Variants in DNAH1 observed in about 807,000 individuals in gnomAD.
The protein encoded by DNAH1 is dynein axonemal heavy chain 1, also known as axonemal beta dynein heavy chain 1.
Under a neutral mutation model 484.3 loss-of-function variants are expected in DNAH1, and 327 were observed. The observed-to-expected ratio is 0.68, with a 90% CI of 0.62 to 0.74. The LOEUF (loss-of-function observed/expected upper bound fraction) is 0.74. Among genes scored for constraint, DNAH1 ranks in the 30% least tolerant of loss-of-function variants. The pLI is 0.00. For synonymous variants in DNAH1, 2,192 were observed against 2,191.9 expected, an observed-to-expected ratio of 1.00 and a Z score of 0.00; for missense variants, 5,052 against 5,546.8, an observed-to-expected ratio of 0.91 and a Z score of 2.83.
At chr3:52,365,240 C>A (rs1703025854) in intron 34 of DNAH1, among the ~76,000 whole-genome samples, 1 of 152,200 alleles carries the variant, frequency 6.6e-6, no homozygotes, top group African/African-American at 2.4e-5. Flanking sequence ...AGGCGTTGTC[C>A]CCTTCCTAGG....
At chr3:52,396,229 A>T (rs377622547) in intron 70 of DNAH1, 139 bp from the exon 71 acceptor site, 10 of 970,474 alleles carry the variant, frequency 1.0e-5, no homozygotes, top group Non-Finnish European at 1.5e-5. Flanking sequence ...CACCGCGCCC[A>T]GCCAAAAGCC....
chr3:52,345,094 G>A (rs11713914), intron 9 of DNAH1, among the ~76,000 whole-genome samples: 12,523 of 152,280 alleles, frequency 0.082, 632 homozygotes, highest in Non-Finnish European at 0.12. Context: ...TACTCCGGAT[G>A]CAGGCTGGGG....
chr3:52,390,790 A>C lies in DNAH1; in HGVS notation c.9622-145A>C, dbSNP rs1318559500. 5 of 1,273,028 alleles carry C rather than the reference A, an allele frequency of 3.9e-6. No homozygotes were observed. The Admixed American group carries it at 8.7e-5, about 22-fold the overall frequency. The allele number at this position is 1,273,028 out of a possible 1,614,324, so 78.9% of individuals were successfully genotyped here. A position where few individuals can be genotyped will look rare whatever the true frequency, so the allele number is the denominator to read the frequency against. ...GTCCTGGGGGTGAGGCATTGCCTAC[A>C]TTGTCACCTGCCCCCAACCTCCAAG... On this transcript the variant is annotated intron_variant, in intron 60 of 77. Transcript: ENST00000420323.
chr3:52,375,546 A>T, intron 45 of DNAH1, 133 bp downstream of exon 45: 5 of 945,926 alleles, frequency 5.3e-6, no homozygotes, highest in Non-Finnish European at 3.1e-6. Context: ...TTCACCTCTC[A>T]CTCAGCTGTG....
At chr3:52,397,487 G>A (rs567033849) in intron 73 of DNAH1, among the ~76,000 whole-genome samples, 1 of 152,342 alleles carries the variant, frequency 6.6e-6, no homozygotes, top group African/African-American at 2.4e-5. Context: ...GAGGGGCAGG[G>A]AATGGATGGC....
chr3:52,359,487 A>G (rs1702765755), intron 26 of DNAH1, 101 bp downstream of exon 26: 1 of 1,471,862 alleles, frequency 6.8e-7, no homozygotes, highest in African/African-American at 1.4e-5. Flanking sequence ...AGCCTGGAAG[A>G]GGCCTGGGGT....
At chr3:52,332,491 GGGCTCATCTGTTT>G in intron 8 of DNAH1, 97 bp downstream of exon 8, 1 of 1,516,606 alleles carries the variant, frequency 6.6e-7, no homozygotes, top group Middle Eastern at 2.3e-4. Flanking sequence ...AGCTCCCTCA[GGGCTCATCTGTTT>G]GAGACTGTCC....
At chr3:52,352,452 G>A (rs775618111) in intron 17 of DNAH1, 100 bp from the exon 18 acceptor site, 1 of 1,480,070 alleles carries the variant, frequency 6.8e-7, no homozygotes, top group Non-Finnish European at 9.1e-7. Context: ...ACTCGGAGGA[G>A]TGGACGTCCT....
At chr3:52,348,076 T>C (rs1702220671) in intron 12 of DNAH1, 102 bp downstream of exon 12, 1 of 1,251,654 alleles carries the variant, frequency 8.0e-7, no homozygotes, top group Non-Finnish European at 1.1e-6. Context: ...ATCACAGGCC[T>C]CCTGTCGGGC....
chr3:52,394,537 T>C lies in DNAH1; in HGVS notation c.10699T>C (p.Ser3567Pro). The C allele has an allele frequency of 6.2e-7, 1 of 1,614,000 alleles. No homozygotes were observed. The highest frequency in any genetic ancestry group is 1.1e-5 in the South Asian group (1 of 91,086). ...TGAGAATCCGGCACCGGACTGGCTGTCAGACCGGGCTTGGCGAGACATCCT... is the reference window on the plus strand; with the variant it reads ...TGAGAATCCGGCACCGGACTGGCTGCCAGACCGGGCTTGGCGAGACATCCT... ...MTENPAPDWL[S>P]DRAWRDILAL... The change falls in exon 67 of 78, where the codon TCA becomes CCA. Residue 3567 changes from serine to proline, a missense_variant. Coordinates refer to ENST00000420323, the MANE Select transcript of DNAH1 (RefSeq NM_015512.5).
rs775958598 is a variant in DNAH1, at chr3:52,346,540, C to G, written c.1725C>G (p.Asp575Glu). 1 of 1,614,002 alleles carries G rather than the reference C, an allele frequency of 6.2e-7. No individual in the cohort carries two copies. Among genetic ancestry groups the G allele is most frequent in the South Asian group, 1.1e-5 (1 of 91,076 alleles). Residue 575 changes from aspartate to glutamate, a missense_variant, in exon 11 of 78, where the codon GAC becomes GAG. Around this residue, in one of 4 missense-constraint regions of DNAH1, gnomAD observed 1,263 missense variants for 1,218.8 expected, o/e 1.04. Coordinates refer to ENST00000420323, the MANE Select transcript of DNAH1 (RefSeq NM_015512.5). Reference sequence around the variant, plus strand: ...TGGCCATGCGCAGCAGCCTGCGCGACATGAGCAAGGGCTGGTACAACCTCT... The same window carrying G: ...TGGCCATGCGCAGCAGCCTGCGCGAGATGAGCAAGGGCTGGTACAACCTCT... ...LKVAMRSSLR[D>E]MSKGWYNLYE...
At chr3:52,383,349 C>T (rs942367776) in intron 50 of DNAH1, 37 bp from the exon 51 acceptor site, 2 of 1,576,226 alleles carry the variant, frequency 1.3e-6, no homozygotes, top group East Asian at 2.2e-5. Context: ...GTCCAACATG[C>T]AGGGGCTTAG....
At position 52,357,888 on chromosome 3, in the gene DNAH1, C is replaced by A; in HGVS notation, c.3981-10C>A. 6.2e-7 allele frequency: 1 copy of A among 1,611,402 alleles called. No homozygotes were observed. The highest frequency in any genetic ancestry group is 1.1e-5 in the South Asian group (1 of 90,780). ...CACGACCCGCTTCCTCACCCCTGTT[C>A]CCCTGGCAGATTCTACTTCCTGTCA... is the stretch of plus-strand genomic sequence containing the variant. On this transcript the variant is annotated splice_polypyrimidine_tract_variant and intron_variant, in intron 23 of 77. Transcript: ENST00000420323.
intron 34 of DNAH1, among the ~76,000 whole-genome samples, chr3:52,365,465 C>T (rs575613986): frequency 2.0e-5 from 3 of 152,360 alleles, no homozygotes; most frequent in South Asian, 2.1e-4. Context: ...ACACCCCTGG[C>T]GTCACTGCGC....
intron 1 of DNAH1, among the ~76,000 whole-genome samples, chr3:52,318,514 C>T (rs892666637): frequency 3.9e-5 from 6 of 152,248 alleles, no homozygotes; most frequent in African/African-American, 1.4e-4. Flanking sequence ...CTCCACCTTG[C>T]CCATCCATTA....
chr3:52,391,493 C>T lies in DNAH1; in HGVS notation c.9942C>T (p.Ile3314=), dbSNP rs753959011. The change falls in exon 63 of 78, where the codon ATC becomes ATT. Residue 3314 remains isoleucine, a synonymous_variant. Transcript: ENST00000420323. ...NTVLKLGDTV[I]PYHEDFRMYI... is the part of the protein sequence containing the mutation. ...TGCTGAAGCTGGGGGACACGGTGAT[C>T]CCCTACCATGAGGACTTCAGGATGT... 1.2e-6 allele frequency: 2 copies of T among 1,613,544 alleles called. No homozygotes were observed. Among genetic ancestry groups the T allele is most frequent in the Non-Finnish European group, 1.7e-6 (2 of 1,179,714 alleles).
rs2153224911 is a variant in DNAH1 at position 52,375,322 on chromosome 3, G to A, written c.7068G>A (p.Arg2356=). Residue 2356 remains arginine, a synonymous_variant, in exon 45 of 78, where the codon CGG becomes CGA. Transcript: ENST00000420323. ...PGGGRNTVTP[R]LMRHFNYLSF... is the part of the protein sequence containing the mutation. ...GAGGCAGGAACACCGTCACCCCGCG[G>A]CTGATGCGTCACTTCAACTACCTGT... 6.2e-7 allele frequency: 1 copy of A among 1,613,236 alleles called. No homozygotes were observed. The highest frequency in any genetic ancestry group is 2.2e-5 in the East Asian group (1 of 44,874).
At chr3:52,357,408 C>T (rs1702657471) in intron 22 of DNAH1, among the ~76,000 whole-genome samples, 1 of 152,200 alleles carries the variant, frequency 6.6e-6, no homozygotes, top group Admixed American at 6.5e-5. Flanking sequence ...AACTCTTTAG[C>T]TTTGTTTAAC....
intron 10 of DNAH1, among the ~76,000 whole-genome samples, chr3:52,346,035 A>G (rs545876550): frequency 3.3e-5 from 5 of 151,990 alleles, no homozygotes; most frequent in African/African-American, 1.2e-4. Flanking sequence ...CCCCATGTTG[A>G]CCTGTGGATT....
Sources: gnomAD v4.1 joint callset for allele counts (sites outside exome capture counted in the v4.1 genomes callset) on GRCh38, gnomAD v4.1.1 for gene constraint, gnomAD v4.1.1 regional missense constraint, MANE v1.5 for transcripts, NCBI Gene and HGNC (gene_info 2026-07-23, HGNC 2026-07-21) for gene names.